The following PCDHGA3 variants were observed in gnomAD, a reference collection of about 807,000 sequenced individuals.
PCDHGA3 encodes the protein protocadherin gamma subfamily A, 3, also known as protocadherin gamma-A3.
In PCDHGA3, 40 loss-of-function variants were observed where a neutral mutation model predicts 58.5. The ratio of observed to expected loss-of-function variants is 0.68; its 90% confidence interval spans 0.53 to 0.89. PCDHGA3 has a LOEUF of 0.89. Ranked by LOEUF, PCDHGA3 falls within the 40% of genes least tolerant of loss-of-function variation. PCDHGA3 has a pLI of 0.00. For synonymous variants in PCDHGA3, 530 were observed against 525.7 expected, an observed-to-expected ratio of 1.01 and a Z score of -0.11; for missense variants, 1,223 against 1,195.9, an observed-to-expected ratio of 1.02 and a Z score of -0.33.
chr5:141,376,090 C>T (rs372887480), intron 1 of PCDHGA3: 11 of 1,613,674 alleles, frequency 6.8e-6, no homozygotes, highest in Admixed American at 1.7e-5. Context: ...ACAGGATCCC[C>T]GACATCCTGG....
At chr5:141,388,781 T>C (rs770000046) in intron 1 of PCDHGA3, 3 of 1,613,832 alleles carry the variant, frequency 1.9e-6, no homozygotes, top group Non-Finnish European at 2.5e-6. Flanking sequence ...CCGGGGAAAT[T>C]ACTGTTTTAA....
chr5:141,394,532 T>G (rs1259695027), intron 1 of PCDHGA3: 7 of 1,614,188 alleles, frequency 4.3e-6, no homozygotes, highest in East Asian at 4.5e-5. Flanking sequence ...ACGGTTCCAC[T>G]GGCGTGGAGC....
chr5:141,481,104 C>T (rs2099531861), intron 1 of PCDHGA3, among the ~76,000 whole-genome samples: 1 of 152,130 alleles, frequency 6.6e-6, no homozygotes. Context: ...ACTCTGGAAC[C>T]TACCAATCCA....
intron 1 of PCDHGA3, chr5:141,361,702 G>A (rs999064726): frequency 1.2e-6 from 2 of 1,613,332 alleles, no homozygotes; most frequent in African/African-American, 1.3e-5. Flanking sequence ...CTTCGATCAT[G>A]AGCAGCTGCG....
intron 1 of PCDHGA3, chr5:141,408,352 C>T: frequency 6.2e-7 from 1 of 1,613,918 alleles, no homozygotes; most frequent in South Asian, 1.1e-5. Flanking sequence ...TGGGGAACCT[C>T]GCTAAGGATC....
At chr5:141,356,830 A>G (rs372665834) in intron 1 of PCDHGA3, 46 of 1,614,038 alleles carry the variant, frequency 2.8e-5, no homozygotes, top group Non-Finnish European at 3.8e-5. Flanking sequence ...TCCACTCAGC[A>G]GCAATGTGTC....
rs1771007417 is a variant in PCDHGA3, at chr5:141,374,980, A to G, written c.2424+28523A>G. ...TTTTCTGTTTGAATGTTTTGACTGG[A>G]GAAATTTCAACTTCTGCAAATCTAG... On this transcript the variant is annotated intron_variant, in intron 1 of 3. Transcript: ENST00000253812. 3 of 1,613,920 alleles carry G rather than the reference A, an allele frequency of 1.9e-6. No homozygotes were observed. The Admixed American group carries it at 5.0e-5, about 27-fold the overall frequency.
chr5:141,419,738 C>T (rs745596534), intron 1 of PCDHGA3: 2 of 1,613,796 alleles, frequency 1.2e-6, no homozygotes, highest in Non-Finnish European at 1.7e-6. Flanking sequence ...AGGCGAGGTG[C>T]GCATGGTGCG....
chr5:141,495,973 A>T, intron 2 of PCDHGA3, among the ~76,000 whole-genome samples: 1 of 146,986 alleles, frequency 6.8e-6, no homozygotes, highest in Admixed American at 6.8e-5. Flanking sequence ...TTTCTCTGTT[A>T]CTCTTTCTTT....
intron 1 of PCDHGA3, chr5:141,411,213 CTATT>C (rs1479996814): frequency 1.3e-5 from 2 of 152,186 alleles, no homozygotes; most frequent in African/African-American, 2.4e-5. Context: ...AGTAACCTAT[CTATT>C]CAAATTTGCG....
Position 141,489,351 on chromosome 5 carries a change from G to A in PCDHGA3, c.2425-5456G>A, listed in dbSNP as rs2099685862. ...GGCAGCTTCGTTACTCAGTGGTGGAGGAGTCTGAGCCGGGGACGCTGGTGG... is the reference window on the plus strand; with the variant it reads ...GGCAGCTTCGTTACTCAGTGGTGGAAGAGTCTGAGCCGGGGACGCTGGTGG... On this transcript the variant is annotated intron_variant, in intron 1 of 3. Transcript: ENST00000253812. This position sits in a 1 kb window ranked among gnomAD's most constrained non-coding sequence, Gnocchi z 4.5. The A allele has an allele frequency of 6.2e-7, 1 of 1,612,202 alleles. No individual in the cohort carries two copies. The highest frequency in any genetic ancestry group is 1.3e-5 in the African/African-American group (1 of 75,006).
Position 141,477,917 on chromosome 5 carries a change from G to C in PCDHGA3, c.2425-16890G>C. 6.2e-7 allele frequency: 1 copy of C among 1,614,186 alleles called. No individual in the cohort carries two copies. The highest frequency in any genetic ancestry group is 2.2e-5 in the East Asian group (1 of 44,868). On this transcript the variant is annotated intron_variant, in intron 1 of 3. Transcript: ENST00000253812. The surrounding 1 kb of genome is among the most constrained non-coding windows in gnomAD (Gnocchi z 4.9). ...GGTGGTAGGCTGGGACGCGGATGCA[G>C]GGCACAATGCCTGGCTCTCCTACAG...
rs2233602 is a variant in PCDHGA3, at chr5:141,490,032, C to T, written c.2425-4775C>T. 47,990 of 1,614,182 alleles carry T rather than the reference C, an allele frequency of 0.03. 1,413 individuals are homozygous for T. Among genetic ancestry groups the T allele is most frequent in the African/African-American group, 0.15 (11,444 of 75,040 alleles). On this transcript the variant is annotated intron_variant, in intron 1 of 3. Coordinates refer to ENST00000253812, the MANE Select transcript of PCDHGA3 (RefSeq NM_018916.4). The surrounding 1 kb of genome is among the most constrained non-coding windows in gnomAD (Gnocchi z 5.4). ...CCATTGGTACTCTGCTGCTCCGCCT[C>T]AATGCCACTGATCCAGACGAGGGCA...
At position 141,393,422 on chromosome 5, in the gene PCDHGA3, G is replaced by C. The variant is rs552855100; in HGVS notation, c.2424+46965G>C. 12 of 1,614,042 alleles carry C rather than the reference G, an allele frequency of 7.4e-6. No individual in the cohort carries two copies. The East Asian group carries it at 2.7e-4, about 36-fold the overall frequency. On this transcript the variant is annotated intron_variant, in intron 1 of 3. Coordinates refer to ENST00000253812, the MANE Select transcript of PCDHGA3 (RefSeq NM_018916.4). ...TGCTGGAGCGCGCCCTGGACAGGGA[G>C]GAAGAGGCTGCTCACCACCTGGTCC...
At chr5:141,356,435 G>A (rs762543172) in intron 1 of PCDHGA3, 2 of 1,610,734 alleles carry the variant, frequency 1.2e-6, no homozygotes, top group Non-Finnish European at 1.7e-6. Context: ...ACACTGGACA[G>A]GGAAGAAGTC....
intron 1 of PCDHGA3, chr5:141,364,345 T>G (rs1763271329): frequency 6.5e-7 from 1 of 1,542,970 alleles, no homozygotes; most frequent in African/African-American, 1.4e-5. Flanking sequence ...CGAGTCCACC[T>G]AGGGGCTGGG....
chr5:141,383,570 G>A, intron 1 of PCDHGA3: 1 of 1,613,234 alleles, frequency 6.2e-7, no homozygotes, highest in Non-Finnish European at 8.5e-7. Flanking sequence ...CCCCGATCCA[G>A]CACCGCCCAC....
intron 1 of PCDHGA3, among the ~76,000 whole-genome samples, chr5:141,469,345 G>A (rs2099197832): frequency 6.6e-6 from 1 of 152,128 alleles, no homozygotes; most frequent in Non-Finnish European, 1.5e-5. Context: ...GGGAGGCTGA[G>A]GTGGATGGAT....
intron 1 of PCDHGA3, among the ~76,000 whole-genome samples, chr5:141,466,292 T>C (rs1050311680): frequency 3.3e-5 from 5 of 152,134 alleles, no homozygotes; most frequent in Non-Finnish European, 5.9e-5. Context: ...CACCTCAGGC[T>C]CCCAAGTAGC....
Sources: allele counts gnomAD v4.1 joint callset (sites outside exome capture counted in the v4.1 genomes callset), GRCh38; gene constraint gnomAD v4.1.1; non-coding constraint Gnocchi (gnomAD v3.1); transcripts MANE v1.5; gene names NCBI Gene and HGNC (gene_info 2026-07-23, HGNC 2026-07-21).